The following RAP1GDS1 variants were observed in gnomAD, a reference collection of about 807,000 sequenced individuals.
RAP1GDS1 encodes RAP1, GTP-GDP dissociation stimulator 1.
In RAP1GDS1, 35 loss-of-function variants were observed where a neutral mutation model predicts 71.1. The ratio of observed to expected loss-of-function variants is 0.49; its 90% confidence interval spans 0.38 to 0.65. The LOEUF (loss-of-function observed/expected upper bound fraction) is 0.65. Ranked by LOEUF, RAP1GDS1 falls within the 30% of genes least tolerant of loss-of-function variation. RAP1GDS1 has a pLI of 0.00. For synonymous variants in RAP1GDS1, 229 were observed against 243.1 expected, an observed-to-expected ratio of 0.94 and a Z score of 0.54; for missense variants, 663 against 706.1, an observed-to-expected ratio of 0.94 and a Z score of 0.69.
rs1725138310 is a variant in RAP1GDS1, at chr4:98,281,736, GC to G, written c.5-11670del. Reference sequence around the variant, plus strand: ...TTTTTGCCCATTCAGTATGATATTGGCCGTGGCTTTGTCATAAATAGCTCTT... The same window carrying G: ...TTTTTGCCCATTCAGTATGATATTGGCGTGGCTTTGTCATAAATAGCTCTT... On this transcript the variant is annotated intron_variant, in intron 1 of 14. Coordinates refer to ENST00000408927, the MANE Select transcript of RAP1GDS1 (RefSeq NM_001100427.2). 1.3e-5 allele frequency among the ~76,000 whole-genome samples: 2 copies of G among 152,086 alleles called. 1 individual carries two copies. The highest frequency in any genetic ancestry group is 4.1e-4 in the South Asian group (2 of 4,824).
Position 98,420,214 on chromosome 4 carries a change from G to T in RAP1GDS1, c.1300+70G>T, listed in dbSNP as rs1239011497. 9 of 1,312,772 alleles carry T rather than the reference G, an allele frequency of 6.9e-6. No homozygotes were observed. In the Admixed American group the frequency reaches 2.2e-4, roughly 32 times the overall value. 81.3% of individuals were successfully genotyped at this position (1,312,772 alleles called of 1,614,324 possible). On this transcript the variant is annotated intron_variant, in intron 11 of 14. Transcript: ENST00000408927. ...CTTAATGTGCCTCTAGTTGAAAAAG[G>T]ACTTGTTTTTAGCTTTTAGGATTAT... is the stretch of plus-strand genomic sequence containing the variant.
intron 2 of RAP1GDS1, among the ~76,000 whole-genome samples, chr4:98,326,937 C>G (rs568985588): frequency 3.3e-5 from 5 of 152,068 alleles, no homozygotes; most frequent in African/African-American, 1.2e-4. Context: ...ACAAGCTAGT[C>G]TGATGACAGT....
In RAP1GDS1 at chr4:98,308,272, A is replaced by G. The variant is rs1004633654; in HGVS notation, c.112+14757A>G. On this transcript the variant is annotated intron_variant, in intron 2 of 14. Coordinates refer to ENST00000408927, the MANE Select transcript of RAP1GDS1 (RefSeq NM_001100427.2). ...TACATGTATATATACACACACACCC[A>G]CACACATATATATACACACACACAC... Among the ~76,000 whole-genome samples, 38 of 136,172 alleles carry G rather than the reference A, an allele frequency of 2.8e-4. 1 individual carries two copies. The highest frequency in any genetic ancestry group is 1.5e-4 in the Non-Finnish European group (10 of 65,404). 89.3% of individuals were successfully genotyped at this position (136,172 alleles called of 152,430 possible).
At chr4:98,387,532 G>A (rs911483781) in intron 5 of RAP1GDS1, 4 of 452,780 alleles carry the variant, frequency 8.8e-6, no homozygotes, top group Admixed American at 2.4e-5. Flanking sequence ...CAGCGCATGC[G>A]TTGATTGCCT....
chr4:98,293,616 A>G lies in RAP1GDS1; in HGVS notation c.112+101A>G, dbSNP rs1727280375. The G allele has an allele frequency of 9.8e-6, 8 of 818,136 alleles. No individual in the cohort carries two copies. The East Asian group carries it at 1.9e-4, about 20-fold the overall frequency. 50.7% of individuals were successfully genotyped at this position (818,136 alleles called of 1,614,324 possible). On this transcript the variant is annotated intron_variant, in intron 2 of 14. Coordinates refer to ENST00000408927, the MANE Select transcript of RAP1GDS1 (RefSeq NM_001100427.2). The stretch of plus-strand genomic sequence containing the variant: ...TAAGCACATAACTTTGTATTCATAT[A>G]ACTTGAATTCTTTTGAATCATATCC...
chr4:98,391,261 T>G (rs1348775865), intron 5 of RAP1GDS1, among the ~76,000 whole-genome samples: 1 of 152,134 alleles, frequency 6.6e-6, no homozygotes, highest in Non-Finnish European at 1.5e-5. Flanking sequence ...CAAGCAATGA[T>G]GACAAGGCCA....
chr4:98,432,924 A>G (rs910782061), intron 12 of RAP1GDS1, among the ~76,000 whole-genome samples: 1 of 152,038 alleles, frequency 6.6e-6, no homozygotes, highest in East Asian at 1.9e-4. Flanking sequence ...CTTTTGCCAG[A>G]TGGTCTTATA....
chr4:98,308,688 C>T (rs433146), intron 2 of RAP1GDS1, among the ~76,000 whole-genome samples: 133,311 of 151,996 alleles, frequency 0.88, 58,760 homozygotes, highest in African/African-American at 0.95. Context: ...CAAGGTCATG[C>T]AGTATACTAG....
intron 4 of RAP1GDS1, among the ~76,000 whole-genome samples, chr4:98,358,557 G>A (rs1254869182): frequency 3.3e-5 from 5 of 151,816 alleles, no homozygotes; most frequent in Admixed American, 2.6e-4. Context: ...TCTGTGTTGT[G>A]TGATATATCC....
chr4:98,437,988 T>A (rs1369418331), intron 14 of RAP1GDS1, among the ~76,000 whole-genome samples: 1 of 152,134 alleles, frequency 6.6e-6, no homozygotes, highest in African/African-American at 2.4e-5. Flanking sequence ...GTTTTGCAGT[T>A]AATTGTTCTG....
intron 2 of RAP1GDS1, among the ~76,000 whole-genome samples, chr4:98,320,426 G>A (rs573298085): frequency 6.6e-6 from 1 of 151,158 alleles, no homozygotes; most frequent in African/African-American, 2.4e-5. Context: ...GAATGATTCA[G>A]TGTAGGGGGG....
In RAP1GDS1 at chr4:98,416,861, G is replaced by T; in HGVS notation, c.880G>T (p.Asp294Tyr). The T allele has an allele frequency of 6.2e-7, 1 of 1,613,792 alleles. No homozygotes were observed. ...TATTACTGAGCTCAAAACTGGTTCA[G>T]ATCTCATGGTTTTATTACTTCTTGG... ...DDITELKTGS[D>Y]LMVLLLLGDE... is the part of the protein sequence containing the mutation. The change falls in exon 8 of 15, where the codon GAT (aspartate) becomes TAT (tyrosine). Residue 294 changes from aspartate to tyrosine, a missense_variant. Physicochemically the swap from Asp to Tyr is radical, Grantham distance 160. Coordinates refer to ENST00000408927, the MANE Select transcript of RAP1GDS1 (RefSeq NM_001100427.2).
At chr4:98,308,295 CACTATATATA>C (rs1455248997) in intron 2 of RAP1GDS1, among the ~76,000 whole-genome samples, 120 of 72,120 alleles carry the variant, frequency 1.7e-3, no homozygotes, top group African/African-American at 6.9e-3. Flanking sequence ...TACACACACA[CACTATATATA>C]TATATATATA....
chr4:98,280,197 A>G (rs1243765947), intron 1 of RAP1GDS1, among the ~76,000 whole-genome samples: 3 of 152,314 alleles, frequency 2.0e-5, no homozygotes, highest in South Asian at 2.1e-4. Context: ...GTTTTCCACA[A>G]TGGTTGAACT....
At chr4:98,275,473 C>T (rs1724072324) in intron 1 of RAP1GDS1, among the ~76,000 whole-genome samples, 2 of 152,074 alleles carry the variant, frequency 1.3e-5, no homozygotes, top group African/African-American at 4.8e-5. Flanking sequence ...ATTTTATGGG[C>T]ACTGAAATTT....
chr4:98,330,409 C>A (rs1733783320), intron 2 of RAP1GDS1, among the ~76,000 whole-genome samples: 1 of 151,178 alleles, frequency 6.6e-6, no homozygotes, highest in Admixed American at 6.6e-5. Context: ...GGCAGAGGCA[C>A]TCCTCAGTTC....
At chr4:98,287,242 GA>G (rs1190862983) in intron 1 of RAP1GDS1, among the ~76,000 whole-genome samples, 1 of 151,842 alleles carries the variant, frequency 6.6e-6, no homozygotes, top group African/African-American at 2.4e-5. Flanking sequence ...CTAACAAAAT[GA>G]AAAATACAGA....
chr4:98,363,377 T>C (rs1044645904), intron 4 of RAP1GDS1, among the ~76,000 whole-genome samples: 2 of 146,982 alleles, frequency 1.4e-5, no homozygotes, highest in African/African-American at 5.0e-5. Flanking sequence ...CCAGCTACTC[T>C]GGAGGCTGAG....
intron 2 of RAP1GDS1, among the ~76,000 whole-genome samples, chr4:98,306,090 CCTATAGCCAG>C (rs1488063165): frequency 6.6e-6 from 1 of 152,134 alleles, no homozygotes; most frequent in African/African-American, 2.4e-5. Flanking sequence ...TGTCACTGCA[CCTATAGCCAG>C]CTGTGGGAGT....
Sources: allele counts gnomAD v4.1 joint callset (sites outside exome capture counted in the v4.1 genomes callset), GRCh38; gene constraint gnomAD v4.1.1; transcripts MANE v1.5; gene names NCBI Gene and HGNC (gene_info 2026-07-23, HGNC 2026-07-21).